Variants in PI15 observed in about 807,000 individuals in gnomAD.
PI15 encodes 25 kDa trypsin inhibitor.
PI15 carries 18 observed loss-of-function variants against 31.0 expected under a neutral mutation model. The observed-to-expected ratio is 0.58, with a 90% CI of 0.40 to 0.86. The LOEUF (loss-of-function observed/expected upper bound fraction) is 0.86. Among genes scored for constraint, PI15 ranks in the 40% least tolerant of loss-of-function variants. The pLI, the probability that PI15 is intolerant of heterozygous loss-of-function variation, is 0.00. For missense variants in PI15, 282 were observed against 328.1 expected (o/e 0.86, Z 1.09); for synonymous variants, 118 against 119.1 (o/e 0.99, Z 0.06).
At chr8:74,830,744 C>T (rs1051497074) in intron 2 of PI15, among the ~76,000 whole-genome samples, 10 of 152,006 alleles carry the variant, frequency 6.6e-5, no homozygotes, top group Non-Finnish European at 5.9e-5. Flanking sequence ...TCCCACAAGG[C>T]GCATTTCCTC....
Position 74,849,303 on chromosome 8 carries a change from GTATA to G in PI15, c.*60_*63del. 3 of 1,323,944 alleles carry G rather than the reference GTATA, an allele frequency of 2.3e-6. No homozygotes were observed. The highest frequency in any genetic ancestry group is 3.2e-6 in the Non-Finnish European group (3 of 948,996). The allele number at this position is 1,323,944 out of a possible 1,614,324, so 82.0% of individuals were successfully genotyped here. On this transcript the variant is annotated 3_prime_UTR_variant, in exon 6 of 6. Coordinates refer to ENST00000260113, the MANE Select transcript of PI15 (RefSeq NM_015886.5). ...TAATGATTTCTGGGAACATGGGCAT[GTATA>G]TATATATATGGAGAGAGAATTTTGC...
intron 2 of PI15, among the ~76,000 whole-genome samples, chr8:74,833,731 T>C (rs1006349740): frequency 3.3e-5 from 5 of 152,214 alleles, no homozygotes; most frequent in East Asian, 3.9e-4. Flanking sequence ...CATTTGGAGA[T>C]AGAGAATCTT....
At position 74,851,157 on chromosome 8, in the gene PI15, CA is replaced by C. The variant is rs1811099469; in HGVS notation, c.*1905del. The C allele has an allele frequency of 1.3e-5, 2 of 152,408 alleles. No homozygotes were observed. The highest frequency in any genetic ancestry group is 4.8e-5 in the African/African-American group (2 of 41,392). The allele number at this position is 152,408 out of a possible 1,614,324, so 9.4% of individuals were successfully genotyped here. ...CTGCCTTTGTGGGCACATATGTAGA[CA>C]CTACTAAAAATAAATATTTTTGGAG... On this transcript the variant is annotated 3_prime_UTR_variant, in exon 6 of 6. Transcript: ENST00000260113.
chr8:74,849,013 C>A, intron 5 of PI15, 105 bp from the exon 6 acceptor site: 2 of 896,394 alleles, frequency 2.2e-6, no homozygotes, highest in South Asian at 1.9e-5. Context: ...ACTTCTCAAA[C>A]GGATCATCAC....
In PI15 at chr8:74,837,891, T is replaced by C. The variant is rs79021209; in HGVS notation, c.274-6090T>C. ...TTTTAGCATTTTGTGTATTTGAAAATGGTTTCCATGTGTAGAATAGACTTC... is the reference window on the plus strand; with the variant it reads ...TTTTAGCATTTTGTGTATTTGAAAACGGTTTCCATGTGTAGAATAGACTTC... On this transcript the variant is annotated intron_variant, in intron 2 of 5. Coordinates refer to ENST00000260113, the MANE Select transcript of PI15 (RefSeq NM_015886.5). Among the ~76,000 whole-genome samples, 355 of 152,262 alleles carry C rather than the reference T, an allele frequency of 2.3e-3. 4 individuals are homozygous for C. In the East Asian group the frequency reaches 0.053, roughly 23 times the overall value.
At chr8:74,834,766 T>A (rs1229823473) in intron 2 of PI15, among the ~76,000 whole-genome samples, 2 of 152,158 alleles carry the variant, frequency 1.3e-5, no homozygotes, top group African/African-American at 4.8e-5. Context: ...ACAACATGTG[T>A]GTGTTCTTCT....
At chr8:74,845,297 T>C (rs956779542) in intron 4 of PI15, 37 bp downstream of exon 4, 10 of 1,601,910 alleles carry the variant, frequency 6.2e-6, no homozygotes, top group East Asian at 2.2e-5. Context: ...TGATTCATAC[T>C]TTTAAAATAT....
intron 5 of PI15, among the ~76,000 whole-genome samples, chr8:74,848,632 T>A (rs1811057589): frequency 6.6e-6 from 1 of 150,622 alleles, no homozygotes; most frequent in African/African-American, 2.4e-5. Flanking sequence ...TCATCAGGCG[T>A]TGTAGGCATT....
chr8:74,826,032 T>G (rs1304232279), intron 2 of PI15, among the ~76,000 whole-genome samples: 1 of 152,140 alleles, frequency 6.6e-6, no homozygotes, highest in Non-Finnish European at 1.5e-5. Flanking sequence ...GCTAACCTAT[T>G]TGTATTCTAA....
intron 2 of PI15, among the ~76,000 whole-genome samples, chr8:74,836,159 T>A (rs1208828509): frequency 1.3e-5 from 2 of 152,208 alleles, no homozygotes; most frequent in East Asian, 3.9e-4. Context: ...AAGGGCCTGA[T>A]AGTAAATATG....
intron 2 of PI15, among the ~76,000 whole-genome samples, chr8:74,838,447 A>T (rs1033642325): frequency 6.6e-6 from 1 of 152,056 alleles, no homozygotes; most frequent in African/African-American, 2.4e-5. Context: ...TTTAGGGAGT[A>T]TATGTGCAGG....
chr8:74,827,324 C>T (rs73689269), intron 2 of PI15, among the ~76,000 whole-genome samples: 3,213 of 152,130 alleles, frequency 0.021, 109 homozygotes, highest in African/African-American at 0.072. Flanking sequence ...GCGTTCACCA[C>T]GAGGAAAGGC....
intron 2 of PI15, among the ~76,000 whole-genome samples, chr8:74,826,871 G>T (rs939691930): frequency 4.6e-5 from 7 of 151,962 alleles, no homozygotes; most frequent in Admixed American, 2.0e-4. Context: ...GTTTTGATGG[G>T]TTTCTTTGAA....
intron 2 of PI15, among the ~76,000 whole-genome samples, chr8:74,840,615 C>T (rs1810931213): frequency 6.6e-6 from 1 of 152,106 alleles, no homozygotes; most frequent in Non-Finnish European, 1.5e-5. Flanking sequence ...CCAGACTTTC[C>T]CCTTCTTGAG....
rs138079986 is a variant in PI15, at chr8:74,831,774, C to T, written c.273+6252C>T. On this transcript the variant is annotated intron_variant, in intron 2 of 5. Coordinates refer to ENST00000260113, the MANE Select transcript of PI15 (RefSeq NM_015886.5). ...GGAATGATTTTAAATAGAAAATATA[C>T]AAAATAAATAAAGTTATACAGGTGT... 7.3e-3 allele frequency among the ~76,000 whole-genome samples: 1,108 copies of T among 151,978 alleles called. 18 individuals carry two copies. Among genetic ancestry groups the T allele is most frequent in the African/African-American group, 0.019 (792 of 41,456 alleles).
At chr8:74,826,297 A>G in intron 2 of PI15, 1 of 980,680 alleles carries the variant, frequency 1.0e-6, no homozygotes. Flanking sequence ...GCGTCTTACA[A>G]GAGCACAGCT....
chr8:74,846,385 T>TCTGCA (rs1298401380), intron 5 of PI15, among the ~76,000 whole-genome samples: 1 of 152,212 alleles, frequency 6.6e-6, no homozygotes, highest in African/African-American at 2.4e-5. Flanking sequence ...GTAGACTGTG[T>TCTGCA]CTGCATTATT....
rs1811106571 is a variant in PI15, at chr8:74,851,707, G to A, written c.*2454G>A. 6.6e-6 allele frequency: 1 copy of A among 151,798 alleles called. No individual in the cohort carries two copies. The highest frequency in any genetic ancestry group is 6.6e-5 in the Admixed American group (1 of 15,238). The allele number at this position is 151,798 out of a possible 1,614,324, so 9.4% of individuals were successfully genotyped here. A position where few individuals can be genotyped will look rare whatever the true frequency, so the allele number is the denominator to read the frequency against. On this transcript the variant is annotated 3_prime_UTR_variant, in exon 6 of 6. Transcript: ENST00000260113. Reference sequence around the variant, plus strand: ...AGAATTAACTAAGAAGCCAAAAATGGCAACAATTTACAGAAATCCCACCTT... The same window carrying A: ...AGAATTAACTAAGAAGCCAAAAATGACAACAATTTACAGAAATCCCACCTT...
chr8:74,831,995 G>C (rs2128763927), intron 2 of PI15, among the ~76,000 whole-genome samples: 1 of 152,102 alleles, frequency 6.6e-6, no homozygotes, highest in South Asian at 2.1e-4. Context: ...ATCATTGAAG[G>C]TTTCAAGCAG....
Sources: allele counts gnomAD v4.1 joint callset (sites outside exome capture counted in the v4.1 genomes callset), GRCh38; gene constraint gnomAD v4.1.1; transcripts MANE v1.5; gene names NCBI Gene and HGNC (gene_info 2026-07-23, HGNC 2026-07-21).